CPNE4: variants seen among roughly 807,000 people sequenced by gnomAD.
CPNE4 encodes copine-4.
Under a neutral mutation model 67.9 loss-of-function variants are expected in CPNE4, and 25 were observed. That is an observed-to-expected ratio of 0.37 (90% confidence interval 0.27 to 0.51). The LOEUF (loss-of-function observed/expected upper bound fraction) is 0.51, where lower values mean the gene tolerates loss of function less well. CPNE4 is among the 20% of genes least tolerant of loss of function. The pLI, the probability that CPNE4 is intolerant of heterozygous loss-of-function variation, is 0.93. For synonymous variants in CPNE4, 242 were observed against 244.9 expected (o/e 0.99, Z 0.11); for missense variants, 464 against 690.8 (o/e 0.67, Z 3.68).
rs147491084 is a variant in CPNE4, at chr3:131,927,502, G to C, written c.-1-22058C>G. Among the ~76,000 whole-genome samples the C allele has an allele frequency of 7.0e-4, 107 of 152,140 alleles. 1 individual carries two copies. The highest frequency in any genetic ancestry group is 2.5e-3 in the African/African-American group (105 of 41,494). On this transcript the variant is annotated intron_variant, in intron 1 of 15. Transcript: ENST00000429747. ...TCATGACATCTCATGTCATTGCAGA[G>C]TTATTTATCTGATCCTACTCCAGAC...
At chr3:131,739,698 C>T (rs2082315209) in intron 2 of CPNE4, among the ~76,000 whole-genome samples, 1 of 152,238 alleles carries the variant, frequency 6.6e-6, no homozygotes, top group Non-Finnish European at 1.5e-5. Context: ...ATTTCTTGAA[C>T]ATCTACTACA....
intron 2 of CPNE4, among the ~76,000 whole-genome samples, chr3:131,857,286 G>T (rs1414970468): frequency 6.6e-6 from 1 of 152,018 alleles, no homozygotes; most frequent in Non-Finnish European, 1.5e-5. Flanking sequence ...GATTGTGGGT[G>T]CTTTCTTCAC....
chr3:131,713,247 T>C (rs768727698), intron 3 of CPNE4, among the ~76,000 whole-genome samples: 5 of 152,176 alleles, frequency 3.3e-5, no homozygotes, highest in Non-Finnish European at 5.9e-5. Context: ...TGTGAGTGTA[T>C]ATGGAAAAGG....
At chr3:131,635,793 A>G (rs544335510) in intron 7 of CPNE4, among the ~76,000 whole-genome samples, 1 of 152,220 alleles carries the variant, frequency 6.6e-6, no homozygotes, top group East Asian at 1.9e-4. Flanking sequence ...CAGTGTATGG[A>G]GACTTATACC....
chr3:131,847,591 T>C (rs1234818898), intron 2 of CPNE4, among the ~76,000 whole-genome samples: 1 of 152,140 alleles, frequency 6.6e-6, no homozygotes, highest in East Asian at 1.9e-4. Flanking sequence ...AAAATATAGG[T>C]CCATTCAAAT....
chr3:131,777,396 G>A (rs200741035), intron 2 of CPNE4, among the ~76,000 whole-genome samples: 1 of 138,198 alleles, frequency 7.2e-6, no homozygotes, highest in Non-Finnish European at 1.6e-5. Context: ...TTTTTTTTTA[G>A]TTTCAAGAAT....
At chr3:131,906,042 C>G (rs888996113) in intron 1 of CPNE4, among the ~76,000 whole-genome samples, 4 of 152,100 alleles carry the variant, frequency 2.6e-5, no homozygotes, top group Non-Finnish European at 5.9e-5. Flanking sequence ...TTCCCTTTCC[C>G]ACTCCCACCT....
At chr3:131,592,682 A>C (rs1001752295) in intron 7 of CPNE4, among the ~76,000 whole-genome samples, 1 of 152,022 alleles carries the variant, frequency 6.6e-6, no homozygotes, top group African/African-American at 2.4e-5. Context: ...ATGCCATGCT[A>C]CCTCTTAATA....
intron 7 of CPNE4, among the ~76,000 whole-genome samples, chr3:131,612,925 A>G (rs757794968): frequency 1.3e-5 from 2 of 152,226 alleles, no homozygotes; most frequent in East Asian, 1.9e-4. Context: ...ACCTTAGTCA[A>G]TGCTGCAGAA....
At chr3:131,632,386 C>T (rs1473387263) in intron 7 of CPNE4, among the ~76,000 whole-genome samples, 2 of 152,116 alleles carry the variant, frequency 1.3e-5, no homozygotes, top group African/African-American at 2.4e-5. Flanking sequence ...AACTAAAACT[C>T]AGAGAGGCTA....
chr3:131,860,287 T>A (rs961441132), intron 2 of CPNE4, among the ~76,000 whole-genome samples: 2 of 152,176 alleles, frequency 1.3e-5, no homozygotes, highest in African/African-American at 4.8e-5. Context: ...GTGGCAAGGA[T>A]AACATTTTAG....
At chr3:131,806,271 C>T (rs1024843505) in intron 2 of CPNE4, among the ~76,000 whole-genome samples, 3 of 152,270 alleles carry the variant, frequency 2.0e-5, no homozygotes, top group African/African-American at 7.2e-5. Context: ...AAAATATTGG[C>T]CAGGCGCGGT....
intron 10 of CPNE4, among the ~76,000 whole-genome samples, chr3:131,564,913 G>A (rs950536778): frequency 5.9e-5 from 9 of 151,980 alleles, no homozygotes; most frequent in African/African-American, 9.7e-5. Flanking sequence ...TTTGGTTCTC[G>A]TTCATGTAAG....
At chr3:131,549,658 T>A (rs75882790) in intron 14 of CPNE4, among the ~76,000 whole-genome samples, 1 of 152,266 alleles carries the variant, frequency 6.6e-6, no homozygotes, top group African/African-American at 2.4e-5. Context: ...GGATATGACA[T>A]ACTTTAGTGA....
chr3:131,672,176 C>T (rs1015674890), intron 6 of CPNE4, among the ~76,000 whole-genome samples: 15 of 152,180 alleles, frequency 9.9e-5, no homozygotes, highest in East Asian at 5.8e-4. Flanking sequence ...TTTTAGAGTA[C>T]GGAATAGTAC....
intron 2 of CPNE4, among the ~76,000 whole-genome samples, chr3:131,799,684 C>G (rs904732496): frequency 2.0e-5 from 3 of 152,092 alleles, no homozygotes; most frequent in African/African-American, 2.4e-5. Flanking sequence ...TAAATAGAAG[C>G]CTGGATCCCC....
chr3:131,591,071 T>C (rs1938494415), intron 7 of CPNE4, among the ~76,000 whole-genome samples: 2 of 152,178 alleles, frequency 1.3e-5, no homozygotes, highest in Non-Finnish European at 2.9e-5. Context: ...CAGATATTTT[T>C]CTCTCTTTGT....
intron 10 of CPNE4, among the ~76,000 whole-genome samples, chr3:131,574,712 C>T (rs568972508): frequency 1.3e-5 from 2 of 152,260 alleles, no homozygotes; most frequent in African/African-American, 2.4e-5. Context: ...GTGGAACTTA[C>T]TTGCTTGGCT....
At chr3:131,556,710 C>A (rs1013034225) in intron 11 of CPNE4, among the ~76,000 whole-genome samples, 1 of 152,026 alleles carries the variant, frequency 6.6e-6, no homozygotes, top group Non-Finnish European at 1.5e-5. Context: ...CTTGTGAAAA[C>A]CTGAGAGAAT....
Sources: allele counts gnomAD v4.1 joint callset (sites outside exome capture counted in the v4.1 genomes callset), GRCh38; gene constraint gnomAD v4.1.1; transcripts MANE v1.5; gene names NCBI Gene and HGNC (gene_info 2026-07-23, HGNC 2026-07-21).